Variants in TMEM256 observed in about 807,000 individuals in gnomAD.
TMEM256 encodes the protein transmembrane protein 256, also known as UPF0451 protein C17orf61.
Under a neutral mutation model 14.8 loss-of-function variants are expected in TMEM256, and 14 were observed. That is an observed-to-expected ratio of 0.95 (90% CI 0.63 to 1.48). The LOEUF (loss-of-function observed/expected upper bound fraction) is 1.48. Among genes scored for constraint, TMEM256 ranks in the 40% most tolerant of loss-of-function variants. TMEM256 has a pLI of 0.00. For missense variants in TMEM256, 146 were observed against 137.9 expected, an observed-to-expected ratio of 1.06 and a Z score of -0.30; for synonymous variants, 68 against 60.7, an observed-to-expected ratio of 1.12 and a Z score of -0.56.
chr17:7,403,909 G>A, intron 1 of TMEM256, 91 bp downstream of exon 1: 1 of 1,404,890 alleles, frequency 7.1e-7, no homozygotes, highest in Non-Finnish European at 9.6e-7. Flanking sequence ...TGATAAACGA[G>A]AGGCCGGGCA....
In TMEM256 at chr17:7,404,062, A is replaced by G. The variant is rs976211499; in HGVS notation, c.23T>C (p.Phe8Ser). ...TCCGGACAAGGCGCCCAAGCGGCGG[A>G]AAGCTGCAGCTGGCCCGGCCATAGC... MAGPAAAFRRLGALSGAA... is the reference protein window; with the variant it reads MAGPAAASRRLGALSGAA... Residue 8 changes from phenylalanine to serine, a missense_variant, in exon 1 of 4, where the codon TTC becomes TCC. Physicochemically the swap from Phe to Ser is radical, Grantham distance 155. Transcript: ENST00000302422. The G allele has an allele frequency of 1.3e-6, 2 of 1,598,752 alleles. No homozygotes were observed. The highest frequency in any genetic ancestry group is 2.7e-5 in the African/African-American group (2 of 74,750).
At chr17:7,403,637 G>T (rs1388518313) in intron 2 of TMEM256, 21 bp downstream of exon 2, 5 of 1,614,084 alleles carry the variant, frequency 3.1e-6, no homozygotes, top group Non-Finnish European at 4.2e-6. Flanking sequence ...GAGTCAGGGA[G>T]CCCCAGCGCA....
At chr17:7,403,509 C>T in intron 2 of TMEM256, 119 bp from the exon 3 acceptor site, 10 of 1,499,024 alleles carry the variant, frequency 6.7e-6, no homozygotes, top group Non-Finnish European at 9.3e-6. Context: ...AGCTTGATCC[C>T]AGGCCTTTGG....
intron 1 of TMEM256, 93 bp from the exon 2 acceptor site, chr17:7,403,782 G>GCA: frequency 1.6e-6 from 2 of 1,237,936 alleles, no homozygotes; most frequent in African/African-American, 2.3e-5. Context: ...GCGAGAAAGG[G>GCA]CACCCCCCCC....
intron 1 of TMEM256, 28 bp downstream of exon 1, chr17:7,403,972 G>A (rs772317213): frequency 2.4e-5 from 37 of 1,552,978 alleles, no homozygotes; most frequent in Non-Finnish European, 3.0e-5. Flanking sequence ...CCCAAGTACA[G>A]TCCCATCTTC....
chr17:7,403,845 A>C (rs1376580923), intron 1 of TMEM256, among the ~76,000 whole-genome samples, 155 bp downstream of exon 1: 2 of 131,364 alleles, frequency 1.5e-5, no homozygotes, highest in Admixed American at 8.9e-5. Context: ...AGTACTGGGA[A>C]CCAATTGGAC....
At chr17:7,403,904 A>G (rs1296065125) in intron 1 of TMEM256, 96 bp downstream of exon 1, 6 of 1,388,296 alleles carry the variant, frequency 4.3e-6, no homozygotes, top group African/African-American at 2.9e-5. Context: ...CTGTCTGATA[A>G]ACGAGAGGCC....
At chr17:7,403,779 A>ACCGGGGGGGGGGGGGGGGGGGGGGGGGG in intron 1 of TMEM256, 90 bp from the exon 2 acceptor site, 1 of 1,306,706 alleles carries the variant, frequency 7.7e-7, no homozygotes, top group East Asian at 2.7e-5. Context: ...TTGGCGAGAA[A>ACCGGGGGGGGGGGGGGGGGGGGGGGGGG]GGGCACCCCC....
Position 7,404,048 on chromosome 17 carries a change from C to T in TMEM256, c.37G>A (p.Ala13Thr), listed in dbSNP as rs747090389. 3.1e-6 allele frequency: 5 copies of T among 1,601,534 alleles called. No individual in the cohort carries two copies. In the South Asian group the frequency reaches 3.4e-5, roughly 11 times the overall value. Residue 13 changes from alanine to threonine, a missense_variant, in exon 1 of 4, where the codon GCC becomes ACC. Physicochemically the swap from Ala to Thr is moderately conservative, Grantham distance 58 (BLOSUM62 0). Transcript: ENST00000302422. ...GPAAAFRRLG[A>T]LSGAAALGFA... is the part of the protein sequence containing the mutation. ...CCTAAGGCCGCAGCTCCGGACAAGG[C>T]GCCCAAGCGGCGGAAAGCTGCAGCT...
At chr17:7,403,608 T>C in intron 2 of TMEM256, 50 bp downstream of exon 2, 1 of 1,612,822 alleles carries the variant, frequency 6.2e-7, no homozygotes, top group Admixed American at 1.7e-5. Context: ...CCCCAGACTT[T>C]GTGCCTTCGT....
chr17:7,403,898 C>G, intron 1 of TMEM256, 102 bp downstream of exon 1: 1 of 1,379,526 alleles, frequency 7.2e-7, no homozygotes, highest in Non-Finnish European at 9.8e-7. Context: ...CGCGGACTGT[C>G]TGATAAACGA....
chr17:7,403,189 G>A lies in TMEM256; in HGVS notation c.219C>T (p.Ser73=), dbSNP rs781711940. The A allele has an allele frequency of 3.7e-6, 6 of 1,614,090 alleles. No homozygotes were observed. Among genetic ancestry groups the A allele is most frequent in the Admixed American group, 1.7e-5 (1 of 60,002 alleles). ...AGCTGGTGCAGAATAAGGTCGTTCC[G>A]GAAGCTAGCAATAACCCAGCCTGAA... ...KPLWAGLLLA[S]GTTLFCTSFY... is the part of the protein sequence containing the mutation. The change falls in exon 4 of 4, where the codon TCC becomes TCT. Residue 73 remains serine (S), a synonymous_variant. Coordinates refer to ENST00000302422, the MANE Select transcript of TMEM256 (RefSeq NM_152766.5).
intron 2 of TMEM256, 76 bp downstream of exon 2, chr17:7,403,582 C>A: frequency 1.3e-6 from 2 of 1,590,102 alleles, no homozygotes; most frequent in Non-Finnish European, 1.7e-6. Context: ...CTCTCCCCGC[C>A]CACTTCCCCC....
chr17:7,403,675 C>A lies in TMEM256; in HGVS notation c.100G>T (p.Asp34Tyr). The change falls in exon 2 of 4, where the codon GAT (aspartate) becomes TAT (tyrosine). Residue 34 changes from aspartate (D) to tyrosine (Y), a missense_variant. By Grantham distance (160) the Asp-to-Tyr change is radical. Transcript: ENST00000302422. ...TACTTCACCTCCTTCCCGTAGGCATCTGGGAATTGGGCGCCTGTGGAGAAA... is the reference window on the plus strand; with the variant it reads ...TACTTCACCTCCTTCCCGTAGGCATATGGGAATTGGGCGCCTGTGGAGAAA... The part of the protein sequence containing the change: ...SYGAHGAQFP[D>Y]AYGKELFDKA... The A allele has an allele frequency of 1.2e-6, 2 of 1,613,562 alleles. No homozygotes were observed. The highest frequency in any genetic ancestry group is 1.7e-6 in the Non-Finnish European group (2 of 1,179,952).
At chr17:7,403,946 A>C in intron 1 of TMEM256, 54 bp downstream of exon 1, 2 of 1,498,000 alleles carry the variant, frequency 1.3e-6, no homozygotes, top group Non-Finnish European at 1.8e-6. Context: ...CCCTTGCAGC[A>C]GACCCCAGAG....
chr17:7,403,786 C>CCCG, intron 1 of TMEM256, 97 bp from the exon 2 acceptor site: 5 of 280,800 alleles, frequency 1.8e-5, no homozygotes, highest in Non-Finnish European at 2.7e-5. Context: ...GAAAGGGCAC[C>CCCG]CCCCCCCCCG....
chr17:7,403,475 C>T, intron 2 of TMEM256, 85 bp from the exon 3 acceptor site: 1 of 1,491,828 alleles, frequency 6.7e-7, no homozygotes. Flanking sequence ...AAAGTTCCTT[C>T]CCCCACCCCA....
At chr17:7,403,960 G>A in intron 1 of TMEM256, 40 bp downstream of exon 1, 1 of 1,521,010 alleles carries the variant, frequency 6.6e-7, no homozygotes, top group Non-Finnish European at 8.9e-7. Flanking sequence ...CCCAGAGGAC[G>A]CCCCAAGTAC....
chr17:7,403,791 C>CCCG (rs1555547300), intron 1 of TMEM256, 102 bp from the exon 2 acceptor site: 33 of 1,045,730 alleles, frequency 3.2e-5, no homozygotes, highest in Non-Finnish European at 4.0e-5. Context: ...GGCACCCCCC[C>CCCG]CCCCGCCCCA....
Sources: gnomAD v4.1 joint callset for allele counts (sites outside exome capture counted in the v4.1 genomes callset) on GRCh38, gnomAD v4.1.1 for gene constraint, MANE v1.5 for transcripts, NCBI Gene and HGNC (gene_info 2026-07-23, HGNC 2026-07-21) for gene names.